The following ZFPM1 variants were observed in gnomAD, a reference collection of about 807,000 sequenced individuals.
The protein encoded by ZFPM1 is zinc finger protein, FOG family member 1, also known as zinc finger protein ZFPM1.
Under a neutral mutation model 46.3 loss-of-function variants are expected in ZFPM1, and 28 were observed. That is an observed-to-expected ratio of 0.60 (90% CI 0.45 to 0.83). The LOEUF (loss-of-function observed/expected upper bound fraction) is 0.83. Ranked by LOEUF, ZFPM1 falls within the 40% of genes least tolerant of loss-of-function variation. The pLI, the probability that ZFPM1 is intolerant of heterozygous loss-of-function variation, is 0.00. For missense variants in ZFPM1, 1,878 were observed against 1,432.4 expected (o/e 1.31, Z -5.02); for synonymous variants, 957 against 675.9 (o/e 1.42, Z -6.45).
At chr16:88,458,109 C>G (rs1054338282) in intron 1 of ZFPM1, among the ~76,000 whole-genome samples, 3 of 152,188 alleles carry the variant, frequency 2.0e-5, no homozygotes, top group African/African-American at 7.2e-5. Context: ...AAGTTTCTCG[C>G]CCAAGCAAGT....
chr16:88,486,454 CAGTGGGTGCTGGGTGCA>C (rs1395737457), intron 2 of ZFPM1, among the ~76,000 whole-genome samples: 3 of 152,274 alleles, frequency 2.0e-5, no homozygotes, highest in Non-Finnish European at 2.9e-5. Flanking sequence ...GCTGAGTGCA[CAGTGGGTGCTGGGTGCA>C]AGTGGGTGCT....
rs780293618 is a variant in ZFPM1 at position 88,534,985 on chromosome 16, C to T, written c.*6C>T. On this transcript the variant is annotated 3_prime_UTR_variant, in exon 10 of 10. Coordinates refer to ENST00000319555, the MANE Select transcript of ZFPM1 (RefSeq NM_153813.3). The stretch of plus-strand genomic sequence containing the variant: ...CCGCCGAGCACGTGAAGTGAGCGCC[C>T]ACACTACAGCCGCAGACGCTTTGCA... The T allele has an allele frequency of 4.0e-5, 56 of 1,412,612 alleles. 1 individual carries two copies. In the South Asian group the frequency reaches 7.4e-4, roughly 19 times the overall value. 87.5% of individuals were successfully genotyped at this position (1,412,612 alleles called of 1,614,324 possible).
chr16:88,492,856 GA>G (rs1597248168), intron 3 of ZFPM1, among the ~76,000 whole-genome samples: 1 of 152,330 alleles, frequency 6.6e-6, no homozygotes, highest in East Asian at 1.9e-4. Flanking sequence ...GGACACCCAA[GA>G]GGCCCCCAAC....
At position 88,480,428 on chromosome 16, in the gene ZFPM1, A is replaced by G. The variant is rs1299911150; in HGVS notation, c.41-5511A>G. On this transcript the variant is annotated intron_variant, in intron 1 of 9. Coordinates refer to ENST00000319555, the MANE Select transcript of ZFPM1 (RefSeq NM_153813.3). This position sits in a 1 kb window ranked among gnomAD's most constrained non-coding sequence, Gnocchi z 4.9. ...GGGTGAGTGAGGGAGCGGATGAAAGAGTGAAGGAAAGAGCCGTGGTGCTGG... is the reference window on the plus strand; with the variant it reads ...GGGTGAGTGAGGGAGCGGATGAAAGGGTGAAGGAAAGAGCCGTGGTGCTGG... 1.3e-5 allele frequency among the ~76,000 whole-genome samples: 2 copies of G among 152,112 alleles called. No individual in the cohort carries two copies. Among genetic ancestry groups the G allele is most frequent in the African/African-American group, 4.8e-5 (2 of 41,408 alleles).
chr16:88,486,072 C>T, intron 2 of ZFPM1, 29 bp downstream of exon 2: 2 of 1,592,202 alleles, frequency 1.3e-6, no homozygotes, highest in East Asian at 2.3e-5. Flanking sequence ...TCTCACCGCG[C>T]CTCCAGCCGG....
chr16:88,496,330 C>T (rs1909928884), intron 3 of ZFPM1, among the ~76,000 whole-genome samples: 2 of 152,008 alleles, frequency 1.3e-5, no homozygotes, highest in South Asian at 4.1e-4. Context: ...GCCTTGGAGA[C>T]AGGCTGGATA....
At chr16:88,519,387 G>A (rs1316958702) in intron 4 of ZFPM1, among the ~76,000 whole-genome samples, 2 of 151,008 alleles carry the variant, frequency 1.3e-5, no homozygotes, top group African/African-American at 2.4e-5. Context: ...ATGGATAGGT[G>A]GATGGATAAG....
intron 4 of ZFPM1, among the ~76,000 whole-genome samples, chr16:88,524,607 G>C (rs1912168393): frequency 6.6e-6 from 1 of 152,264 alleles, no homozygotes; most frequent in African/African-American, 2.4e-5. Context: ...CAACCCAAAA[G>C]CAACAGCCAG....
intron 1 of ZFPM1, among the ~76,000 whole-genome samples, chr16:88,481,019 A>G (rs1020896423): frequency 1.3e-5 from 2 of 152,276 alleles, no homozygotes; most frequent in Admixed American, 6.5e-5. Context: ...GGAGTTGATG[A>G]AATTCCGCTA....
Position 88,528,077 on chromosome 16 carries a change from G to C in ZFPM1, c.551G>C (p.Gly184Ala). ...GTCACCAAGCCGGTGCCTGCGGGGG[G>C]ACTCCTGAGCGTGCTCCTCACGGCC... ...CRVTKPVPAG[G>A]LLSVLLTAEP... Residue 184 changes from glycine to alanine, a missense_variant, in exon 6 of 10, where the codon GGA (glycine) becomes GCA (alanine). By Grantham distance (60) the Gly-to-Ala change is moderately conservative (BLOSUM62 0). Coordinates refer to ENST00000319555, the MANE Select transcript of ZFPM1 (RefSeq NM_153813.3). 2 of 1,566,944 alleles carry C rather than the reference G, an allele frequency of 1.3e-6. No individual in the cohort carries two copies. The highest frequency in any genetic ancestry group is 2.4e-5 in the East Asian group (1 of 42,182).
intron 3 of ZFPM1, among the ~76,000 whole-genome samples, chr16:88,512,158 C>T (rs1427790072): frequency 6.6e-6 from 1 of 152,196 alleles, no homozygotes; most frequent in Non-Finnish European, 1.5e-5. Flanking sequence ...CCTGGAGCTC[C>T]GATTAGGGAG....
chr16:88,509,493 G>A (rs1332524239), intron 3 of ZFPM1, among the ~76,000 whole-genome samples: 1 of 152,252 alleles, frequency 6.6e-6, no homozygotes, highest in Non-Finnish European at 1.5e-5. Context: ...AAGGCCAGCT[G>A]TGTGCAGGAG....
intron 1 of ZFPM1, among the ~76,000 whole-genome samples, chr16:88,465,835 AGCGATTAGCG>A (rs1481576067): frequency 1.3e-5 from 2 of 152,218 alleles, no homozygotes; most frequent in African/African-American, 4.8e-5. Context: ...GCGCTGATGG[AGCGATTAGCG>A]GCGATTAGAG....
chr16:88,501,790 C>T (rs887077641), intron 3 of ZFPM1, among the ~76,000 whole-genome samples: 4 of 146,566 alleles, frequency 2.7e-5, no homozygotes, highest in African/African-American at 1.1e-4. Context: ...GGCATGGGTG[C>T]AGGGCCCTGC....
At chr16:88,492,108 G>A (rs768435540) in intron 3 of ZFPM1, among the ~76,000 whole-genome samples, 11 of 151,026 alleles carry the variant, frequency 7.3e-5, no homozygotes, top group East Asian at 1.9e-4. Context: ...ATCCCTCCTC[G>A]CCTTCTCCCT....
chr16:88,486,508 G>A (rs1014757162), intron 2 of ZFPM1, among the ~76,000 whole-genome samples: 8 of 151,428 alleles, frequency 5.3e-5, no homozygotes, highest in Admixed American at 5.3e-4. Flanking sequence ...ACCGCTGGGT[G>A]CAAGTGGGTG....
At chr16:88,494,524 C>G (rs1324090418) in intron 3 of ZFPM1, among the ~76,000 whole-genome samples, 1 of 152,144 alleles carries the variant, frequency 6.6e-6, no homozygotes, top group Admixed American at 6.5e-5. Context: ...CGTCACCACC[C>G]ACAGCAAACC....
In ZFPM1 at chr16:88,485,936, C is replaced by G. The variant is rs74578834; in HGVS notation, c.41-3C>G. On this transcript the variant is annotated splice_polypyrimidine_tract_variant and splice_region_variant and intron_variant, in intron 1 of 9. Transcript: ENST00000319555. ...CCGAACCCCCATCGTCTTGTGTCCA[C>G]AGGTTCCCTCGGAGACATGGAGGCC... is the stretch of plus-strand genomic sequence containing the variant. 5 of 1,612,610 alleles carry G rather than the reference C, an allele frequency of 3.1e-6. No individual in the cohort carries two copies. Among genetic ancestry groups the G allele is most frequent in the Admixed American group, 3.3e-5 (2 of 59,984 alleles).
At chr16:88,519,796 G>C (rs538006318) in intron 4 of ZFPM1, among the ~76,000 whole-genome samples, 1 of 151,532 alleles carries the variant, frequency 6.6e-6, no homozygotes, top group East Asian at 2.0e-4. Context: ...AGGGTGGGTG[G>C]GTGGATGATG....
Sources: gnomAD v4.1 joint callset for allele counts (sites outside exome capture counted in the v4.1 genomes callset) on GRCh38, gnomAD v4.1.1 for gene constraint, Gnocchi (gnomAD v3.1) non-coding constraint, MANE v1.5 for transcripts, NCBI Gene and HGNC (gene_info 2026-07-23, HGNC 2026-07-21) for gene names.